Variants in MYH13 observed in about 807,000 individuals in gnomAD.
The protein encoded by MYH13 is myosin heavy chain 13, also known as myosin-13.
MYH13 carries 177 observed loss-of-function variants against 232.1 expected under a neutral mutation model. That is an observed-to-expected ratio of 0.76 (90% CI 0.67 to 0.86). The LOEUF is 0.86. Among genes scored for constraint, MYH13 ranks in the 40% least tolerant of loss-of-function variants. MYH13 has a pLI of 0.00. For synonymous variants in MYH13, 884 were observed against 923.5 expected (o/e 0.96, Z 0.78); for missense variants, 2,246 against 2,405.9 (o/e 0.93, Z 1.39).
intron 5 of MYH13, among the ~76,000 whole-genome samples, chr17:10,361,266 C>T (rs758184508): frequency 2.4e-4 from 36 of 151,022 alleles, no homozygotes; most frequent in Non-Finnish European, 4.4e-4. Flanking sequence ...TAAGCATCTA[C>T]AGGTCTCAGA....
chr17:10,321,628 C>A lies in MYH13; in HGVS notation c.3015G>T (p.Glu1005Asp), dbSNP rs1397552868. The A allele has an allele frequency of 6.2e-7, 1 of 1,613,594 alleles. No individual in the cohort carries two copies. The highest frequency in any genetic ancestry group is 1.7e-5 in the Admixed American group (1 of 60,018). Residue 1005 changes from glutamate (E) to aspartate (D), a missense_variant, in exon 24 of 41, where the codon GAG becomes GAT. Coordinates refer to ENST00000252172, the MANE Select transcript of MYH13 (RefSeq NM_003802.3). ...KLTKEKKSLQ[E>D]AHQQTLDDLQ... Reference sequence around the variant, plus strand: ...GATCATCCAGTGTTTGCTGATGGGCCTCCTGTAGAGATTTCTTTTCTTTGG... The same window carrying A: ...GATCATCCAGTGTTTGCTGATGGGCATCCTGTAGAGATTTCTTTTCTTTGG...
intron 5 of MYH13, among the ~76,000 whole-genome samples, chr17:10,361,254 T>G (rs2071790517): frequency 6.6e-6 from 1 of 152,136 alleles, no homozygotes; most frequent in South Asian, 2.1e-4. Context: ...TTAGATGATT[T>G]TTAAGCATCT....
At chr17:10,335,058 A>G (rs2071563117) in intron 18 of MYH13, among the ~76,000 whole-genome samples, 1 of 152,090 alleles carries the variant, frequency 6.6e-6, no homozygotes, top group Non-Finnish European at 1.5e-5. Flanking sequence ...CTCTGCCTCA[A>G]TTTCTTTATT....
intron 35 of MYH13, 109 bp downstream of exon 35, chr17:10,309,125 T>A (rs560170783): frequency 3.5e-4 from 417 of 1,181,464 alleles, no homozygotes; most frequent in Non-Finnish European, 8.9e-5. Context: ...GGGTGCTCCT[T>A]CCCACGGCGT....
chr17:10,315,833 C>G, intron 28 of MYH13, 22 bp from the exon 29 acceptor site: 1 of 1,613,944 alleles, frequency 6.2e-7, no homozygotes, highest in South Asian at 1.1e-5. Flanking sequence ...ATGTGGCCCC[C>G]ACGTCAGTGT....
Position 10,358,665 on chromosome 17 carries a change from G to A in MYH13, c.646-838C>T, listed in dbSNP as rs142014413. 9.0e-4 allele frequency among the ~76,000 whole-genome samples: 137 copies of A among 152,242 alleles called. 1 individual carries two copies. Among genetic ancestry groups the A allele is most frequent in the African/African-American group, 3.2e-3 (133 of 41,532 alleles). Reference sequence around the variant, plus strand: ...TTAGCTACTTGGAAGGCTGAAGGATGATCGCTTGAGCCCAGGAGTTTGAAG... The same window carrying A: ...TTAGCTACTTGGAAGGCTGAAGGATAATCGCTTGAGCCCAGGAGTTTGAAG... On this transcript the variant is annotated intron_variant, in intron 7 of 40. Coordinates refer to ENST00000252172, the MANE Select transcript of MYH13 (RefSeq NM_003802.3).
At position 10,309,674 on chromosome 17, in the gene MYH13, G is replaced by A; in HGVS notation, c.4813C>T (p.Leu1605=). ...TTCCGGCTGCGGATTTCAGCATCCA[G>A]CACGCTCTGCAGGGCCTCTGCTGCC... ...QRAAEALQSV[L]DAEIRSRNDA... is the part of the protein sequence containing the mutation. The change falls in exon 34 of 41, where the codon CTG becomes TTG. Residue 1605 remains leucine (L), a synonymous_variant. Transcript: ENST00000252172. The A allele has an allele frequency of 6.2e-7, 1 of 1,609,766 alleles. No homozygotes were observed. Among genetic ancestry groups the A allele is most frequent in the Non-Finnish European group, 8.5e-7 (1 of 1,177,994 alleles).
In MYH13 at chr17:10,312,006, C is replaced by T. The variant is rs749707978; in HGVS notation, c.4436G>A (p.Arg1479Lys). The T allele has an allele frequency of 2.0e-5, 32 of 1,613,892 alleles. No homozygotes were observed. The East Asian group carries it at 2.9e-4, about 15-fold the overall frequency. ...CTTGAAGAGTTCAGTGCTGAGTGAC[C>T]TGGACTCCTTCTGAGCAGCTTCCAA... ...AELEAAQKES[R>K]SLSTELFKMR... The change falls in exon 32 of 41, where the codon AGG (arginine) becomes AAG (lysine). Residue 1479 changes from arginine (R) to lysine (K), a missense_variant. Physicochemically the swap from Arg to Lys is conservative, Grantham distance 26. Coordinates refer to ENST00000252172, the MANE Select transcript of MYH13 (RefSeq NM_003802.3).
At chr17:10,342,230 T>C (rs1453786712) in intron 16 of MYH13, among the ~76,000 whole-genome samples, 5 of 152,100 alleles carry the variant, frequency 3.3e-5, no homozygotes, top group Non-Finnish European at 5.9e-5. Flanking sequence ...TTTTATCTTA[T>C]TTTATTTTGT....
In MYH13 at chr17:10,350,745, G is replaced by A. The variant is rs765571069; in HGVS notation, c.1006-51C>T. 5.2e-5 allele frequency: 84 copies of A among 1,609,188 alleles called. No individual in the cohort carries two copies. In the South Asian group the frequency reaches 7.6e-4, roughly 15 times the overall value. On this transcript the variant is annotated intron_variant, in intron 11 of 40. Coordinates refer to ENST00000252172, the MANE Select transcript of MYH13 (RefSeq NM_003802.3). ...CATAGCAGGAATCAGGGATCCATAT[G>A]CAGCCTTTTCTTGGCAAAGACCTTA...
At position 10,321,634 on chromosome 17, in the gene MYH13, T is replaced by C. The variant is rs372862443; in HGVS notation, c.3009A>G (p.Leu1003=). ...CCAGTGTTTGCTGATGGGCCTCCTG[T>C]AGAGATTTCTTTTCTTTGGTCAATT... The part of the protein sequence containing the change: ...ISKLTKEKKS[L]QEAHQQTLDD... Residue 1003 remains leucine, a synonymous_variant, in exon 24 of 41, where the codon CTA becomes CTG. Transcript: ENST00000252172. 26 of 1,613,568 alleles carry C rather than the reference T, an allele frequency of 1.6e-5. No homozygotes were observed. In the African/African-American group the frequency reaches 3.1e-4, roughly 19 times the overall value.
intron 2 of MYH13, among the ~76,000 whole-genome samples, chr17:10,370,314 C>T (rs144278192): frequency 4.5e-4 from 68 of 152,318 alleles, no homozygotes; most frequent in African/African-American, 1.6e-3. Context: ...AGTTGGGACC[C>T]AGGGGAAGAC....
intron 29 of MYH13, among the ~76,000 whole-genome samples, chr17:10,314,061 G>A (rs1194387488): frequency 1.3e-5 from 2 of 152,172 alleles, no homozygotes; most frequent in Admixed American, 1.3e-4. Flanking sequence ...GACGCCCTCT[G>A]GTGCCACCAT....
chr17:10,327,803 G>A (rs1274272078), intron 22 of MYH13, 63 bp downstream of exon 22: 4 of 1,574,752 alleles, frequency 2.5e-6, no homozygotes, highest in East Asian at 2.3e-5. Context: ...CGCCCTCAAT[G>A]TTCCTCCCCC....
At chr17:10,329,594 C>T (rs112992700) in intron 21 of MYH13, among the ~76,000 whole-genome samples, 2,112 of 152,304 alleles carry the variant, frequency 0.014, 48 homozygotes, top group African/African-American at 0.048. Context: ...ACCTCCACTA[C>T]CTGCCTCTTG....
chr17:10,357,701 T>A, intron 8 of MYH13, 34 bp downstream of exon 8: 1 of 1,592,528 alleles, frequency 6.3e-7, no homozygotes, highest in Non-Finnish European at 8.6e-7. Flanking sequence ...GGTATGCTTT[T>A]GGGAGGATAC....
At chr17:10,305,349 A>G (rs748981411) in intron 37 of MYH13, among the ~76,000 whole-genome samples, 3 of 152,214 alleles carry the variant, frequency 2.0e-5, no homozygotes, top group Admixed American at 6.5e-5. Flanking sequence ...AGGACTGGGG[A>G]TAATTGAAAA....
chr17:10,345,727 G>A (rs1293016236), intron 13 of MYH13, 111 bp from the exon 14 acceptor site: 11 of 1,563,332 alleles, frequency 7.0e-6, no homozygotes, highest in Non-Finnish European at 3.5e-6. Flanking sequence ...AGGCGTGGTG[G>A]CTCACACCTG....
Position 10,355,064 on chromosome 17 carries a change from T to TA in MYH13, c.802+19dup. 6.2e-7 allele frequency: 1 copy of TA among 1,607,980 alleles called. No individual in the cohort carries two copies. Among genetic ancestry groups the TA allele is most frequent in the Non-Finnish European group, 8.5e-7 (1 of 1,176,676 alleles). On this transcript the variant is annotated intron_variant, in intron 9 of 40. Transcript: ENST00000252172. ...TTTGTGGCCAAAACACCAACGGATT[T>TA]ATAGAGTGTTTGGACTCACAAGTTT...
Sources: allele counts gnomAD v4.1 joint callset (sites outside exome capture counted in the v4.1 genomes callset), GRCh38; gene constraint gnomAD v4.1.1; transcripts MANE v1.5; gene names NCBI Gene and HGNC (gene_info 2026-07-23, HGNC 2026-07-21).